The following C15orf40 variants were observed in gnomAD, a reference collection of about 807,000 sequenced individuals.
C15orf40 encodes the protein chromosome 15 open reading frame 40.
Under a neutral mutation model 13.9 loss-of-function variants are expected in C15orf40, and 9 were observed. The observed-to-expected ratio is 0.65, with a 90% CI of 0.39 to 1.13. C15orf40 has a LOEUF of 1.13. Among genes scored for constraint, C15orf40 ranks in the 50% most tolerant of loss-of-function variants. C15orf40 has a pLI of 0.01. For synonymous variants in C15orf40, 95 were observed against 69.2 expected (o/e 1.37, Z -1.85); for missense variants, 225 against 188.5 (o/e 1.19, Z -1.13).
chr15:82,997,860 C>T lies in C15orf40; in HGVS notation c.*7737G>A, dbSNP rs1255189443. The T allele has an allele frequency of 9.2e-6, 1 of 108,834 alleles. No homozygotes were observed. The highest frequency in any genetic ancestry group is 1.9e-5 in the Non-Finnish European group (1 of 54,014). 6.7% of individuals were successfully genotyped at this position (108,834 alleles called of 1,614,324 possible). A position where few individuals can be genotyped will look rare whatever the true frequency, so the allele number is the denominator to read the frequency against. On this transcript the variant is annotated 3_prime_UTR_variant, in exon 4 of 4. Transcript: ENST00000304177. ...GACCCCCCCCCACCTCCCTCCCGGA[C>T]GGGGCGGCTGGCCGGGCAGAGGGGC... is the stretch of plus-strand genomic sequence containing the variant.
downstream of C15orf40, chr15:82,990,323 T>C: frequency 8.1e-6 from 2 of 246,864 alleles, no homozygotes; most frequent in Non-Finnish European, 6.6e-6. Context: ...TGCTTTAAGT[T>C]TGGTATATTA....
At position 83,005,633 on chromosome 15, in the gene C15orf40, GA is replaced by G; in HGVS notation, c.425del (p.Ile142ThrfsTer5). On this transcript the variant is annotated frameshift_variant, in exon 4 of 4. Coordinates refer to ENST00000304177, the MANE Select transcript of C15orf40 (RefSeq NM_144597.3). LOFTEE classifies it high-confidence loss of function. ...TGGCTTCCTTTTTTAATTTCTCCAA[GA>G]TCTCTTCTGGAGTTGTAGAAGCCAA... is the stretch of plus-strand genomic sequence containing the variant. ...KLLASTTPEE[I>X]LEKLKKEAKK... is the part of the protein sequence containing the mutation. 6.2e-7 allele frequency: 1 copy of G among 1,611,922 alleles called. No individual in the cohort carries two copies. The highest frequency in any genetic ancestry group is 1.1e-5 in the South Asian group (1 of 90,928).
chr15:82,991,618 G>A (rs1001383532), downstream of C15orf40, among the ~76,000 whole-genome samples: 4 of 151,970 alleles, frequency 2.6e-5, no homozygotes, highest in Non-Finnish European at 4.4e-5. Context: ...CTAGGCCCTC[G>A]AGGTTGACTT....
Position 83,005,130 on chromosome 15 carries a change from G to A in C15orf40, c.*467C>T. The A allele has an allele frequency of 9.2e-7, 1 of 1,084,422 alleles. No individual in the cohort carries two copies. The highest frequency in any genetic ancestry group is 1.1e-6 in the Non-Finnish European group (1 of 880,220). 67.2% of individuals were successfully genotyped at this position (1,084,422 alleles called of 1,614,324 possible). A position where few individuals can be genotyped will look rare whatever the true frequency, so the allele number is the denominator to read the frequency against. On this transcript the variant is annotated 3_prime_UTR_variant, in exon 4 of 4. Coordinates refer to ENST00000304177, the MANE Select transcript of C15orf40 (RefSeq NM_144597.3). ...TTGGGATTTTAGAACCTGATGCAAT[G>A]TATAGCACTTTTTAAATTTCTACTT...
At chr15:82,994,743 A>G (rs2030983267), downstream of C15orf40, 1 of 152,176 alleles carries the variant, frequency 6.6e-6, no homozygotes, top group African/African-American at 2.4e-5. Flanking sequence ...CACATATTTA[A>G]TATATATAAA....
In C15orf40 at chr15:83,005,180, CAT is replaced by C. The variant is rs780348730; in HGVS notation, c.*415_*416del. On this transcript the variant is annotated 3_prime_UTR_variant, in exon 4 of 4. Coordinates refer to ENST00000304177, the MANE Select transcript of C15orf40 (RefSeq NM_144597.3). ...TTTTGGAGTCTTATTCGAATATATA[CAT>C]ATATATATGTCCCCCATGTTCTTCT... The C allele has an allele frequency of 2.9e-6, 3 of 1,043,458 alleles. No individual in the cohort carries two copies. The highest frequency in any genetic ancestry group is 6.4e-5 in the South Asian group (2 of 31,268). 64.6% of individuals were successfully genotyped at this position (1,043,458 alleles called of 1,614,324 possible). A position where few individuals can be genotyped will look rare whatever the true frequency, so the allele number is the denominator to read the frequency against.
chr15:82,993,197 AAAAT>A (rs2030929662), downstream of C15orf40, among the ~76,000 whole-genome samples: 1 of 152,222 alleles, frequency 6.6e-6, no homozygotes, highest in East Asian at 1.9e-4. Flanking sequence ...CAGAATTATA[AAAAT>A]AAATAATCAA....
At chr15:83,006,612 C>G (rs2031692132) in intron 3 of C15orf40, 1 of 244,512 alleles carries the variant, frequency 4.1e-6, no homozygotes, top group Non-Finnish European at 6.5e-6. Context: ...ATTAGCCAGA[C>G]GTGTTGGCGC....
chr15:83,003,882 A>C lies in C15orf40; in HGVS notation c.*1715T>G, dbSNP rs2031534777. 6.6e-6 allele frequency: 1 copy of C among 151,956 alleles called. No individual in the cohort carries two copies. The highest frequency in any genetic ancestry group is 2.4e-5 in the African/African-American group (1 of 41,342). The allele number at this position is 151,956 out of a possible 1,614,324, so 9.4% of individuals were successfully genotyped here. A position where few individuals can be genotyped will look rare whatever the true frequency, so the allele number is the denominator to read the frequency against. On this transcript the variant is annotated 3_prime_UTR_variant, in exon 4 of 4. Coordinates refer to ENST00000304177, the MANE Select transcript of C15orf40 (RefSeq NM_144597.3). Reference sequence around the variant, plus strand: ...CCTGCCTCAGCCTCCCGAGTAGCTGAGATTACAGGCACCCACCACCATGCC... The same window carrying C: ...CCTGCCTCAGCCTCCCGAGTAGCTGCGATTACAGGCACCCACCACCATGCC...
At chr15:83,008,191 C>CA (rs113081534) in intron 3 of C15orf40, 39,629 of 198,424 alleles carry the variant, frequency 0.2, 2,922 homozygotes, top group Admixed American at 0.23. Context: ...GACTCCGTCT[C>CA]AAAAAAAAAA....
chr15:82,990,486 C>CTAT, downstream of C15orf40: 1 of 608,026 alleles, frequency 1.6e-6, no homozygotes, highest in Non-Finnish European at 2.8e-6. Context: ...GAATGCACAG[C>CTAT]TATGCTTTTT....
intron 3 of C15orf40, 145 bp from the exon 4 acceptor site, chr15:83,005,837 T>A: frequency 8.0e-7 from 1 of 1,247,832 alleles, no homozygotes; most frequent in Non-Finnish European, 1.0e-6. Context: ...TCTTAGATTC[T>A]TCCTTACTAC....
rs2151276166 is a variant in C15orf40 at position 82,997,110 on chromosome 15, C to A, written c.*8487G>T. On this transcript the variant is annotated 3_prime_UTR_variant, in exon 4 of 4. Transcript: ENST00000304177. ...CCTGTCTTTATTCACTGTTCTCTAT[C>A]TTGCCTTCTAAATTTCATACCGTTT... The A allele has an allele frequency of 6.7e-6, 1 of 150,070 alleles. No homozygotes were observed. Among genetic ancestry groups the A allele is most frequent in the East Asian group, 1.9e-4 (1 of 5,166 alleles). The allele number at this position is 150,070 out of a possible 1,614,324, so 9.3% of individuals were successfully genotyped here. A position where few individuals can be genotyped will look rare whatever the true frequency, so the allele number is the denominator to read the frequency against.
chr15:83,005,607 T>G lies in C15orf40; in HGVS notation c.452A>C (p.Lys151Thr), dbSNP rs746930575. The G allele has an allele frequency of 3.7e-6, 6 of 1,610,746 alleles. No homozygotes were observed. The highest frequency in any genetic ancestry group is 5.1e-6 in the Non-Finnish European group (6 of 1,178,632). The change falls in exon 4 of 4, where the codon AAA (lysine) becomes ACA (threonine). Residue 151 changes from lysine to threonine, a missense_variant. Transcript: ENST00000304177. ...EILEKLKKEA[K>T]KT ...CCTCATTTCTTGCTTTTATGTTTTT[T>G]TGGCTTCCTTTTTTAATTTCTCCAA...
downstream of C15orf40, chr15:82,990,783 C>A: frequency 1.4e-6 from 1 of 740,038 alleles, no homozygotes; most frequent in Non-Finnish European, 2.3e-6. Flanking sequence ...AAAATTCACA[C>A]ATAAGAAAGT....
rs1269232624 is a variant in C15orf40, at chr15:82,996,765, G to A, written c.*8832C>T. ...TCACGCCTGTAATCCCAGTAATTTGGGAGGCCAAGGCGGATGGATCGCCTG... is the reference window on the plus strand; with the variant it reads ...TCACGCCTGTAATCCCAGTAATTTGAGAGGCCAAGGCGGATGGATCGCCTG... On this transcript the variant is annotated 3_prime_UTR_variant, in exon 4 of 4. Coordinates refer to ENST00000304177, the MANE Select transcript of C15orf40 (RefSeq NM_144597.3). 1.3e-5 allele frequency: 2 copies of A among 151,632 alleles called. No homozygotes were observed. Among genetic ancestry groups the A allele is most frequent in the African/African-American group, 4.8e-5 (2 of 41,368 alleles). The allele number at this position is 151,632 out of a possible 1,614,324, so 9.4% of individuals were successfully genotyped here. A position where few individuals can be genotyped will look rare whatever the true frequency, so the allele number is the denominator to read the frequency against.
Position 83,004,725 on chromosome 15 carries a change from T to C in C15orf40, c.*872A>G, listed in dbSNP as rs989058673. On this transcript the variant is annotated 3_prime_UTR_variant, in exon 4 of 4. Coordinates refer to ENST00000304177, the MANE Select transcript of C15orf40 (RefSeq NM_144597.3). ...AATGGTAAATATAGTCTTTAAAAGA[T>C]GTAAAAAAAAAATTTTTTTTACATT... 1.2e-6 allele frequency: 1 copy of C among 842,590 alleles called. No individual in the cohort carries two copies. Among genetic ancestry groups the C allele is most frequent in the Non-Finnish European group, 1.3e-6 (1 of 753,112 alleles). The allele number at this position is 842,590 out of a possible 1,614,324, so 52.2% of individuals were successfully genotyped here.
chr15:83,006,658 A>G (rs897431583), intron 3 of C15orf40, among the ~76,000 whole-genome samples: 1 of 151,520 alleles, frequency 6.6e-6, no homozygotes, highest in African/African-American at 2.4e-5. Context: ...AGGCTGAAGC[A>G]GGAGAATCAC....
chr15:82,992,258 G>A (rs2030893150), downstream of C15orf40, among the ~76,000 whole-genome samples: 1 of 152,132 alleles, frequency 6.6e-6, no homozygotes. Flanking sequence ...GCTCACAGTT[G>A]TAATCGCAGC....
Sources: gnomAD v4.1 joint callset for allele counts (sites outside exome capture counted in the v4.1 genomes callset) on GRCh38, gnomAD v4.1.1 for gene constraint, MANE v1.5 for transcripts, NCBI Gene and HGNC (gene_info 2026-07-23, HGNC 2026-07-21) for gene names.